Variants in LINGO1 observed in about 807,000 individuals in gnomAD.
The protein encoded by LINGO1 is leucine rich repeat and Ig domain containing 1, also known as leucine-rich repeat and immunoglobulin-like domain-containing nogo receptor-interacting protein 1.
A neutral mutation model predicts 37.3 loss-of-function variants in LINGO1; 11 were observed. The ratio of observed to expected loss-of-function variants is 0.29; its 90% confidence interval spans 0.19 to 0.49. The LOEUF (loss-of-function observed/expected upper bound fraction) is 0.49. Among genes scored for constraint, LINGO1 ranks in the 20% least tolerant of loss-of-function variants. The pLI is 0.99. For missense variants in LINGO1, 585 were observed against 878.2 expected, an observed-to-expected ratio of 0.67 and a Z score of 4.22; for synonymous variants, 387 against 403.0, an observed-to-expected ratio of 0.96 and a Z score of 0.48.
chr15:77,683,337 C>T (rs2141232544), intron 2 of LINGO1, among the ~76,000 whole-genome samples: 1 of 152,300 alleles, frequency 6.6e-6, no homozygotes, highest in South Asian at 2.1e-4. Flanking sequence ...CAAGCAGACC[C>T]TTCACCCCGG....
At chr15:77,717,716 C>CA in intron 2 of LINGO1, among the ~76,000 whole-genome samples, 1 of 150,884 alleles carries the variant, frequency 6.6e-6, no homozygotes, top group African/African-American at 2.4e-5. Flanking sequence ...CCACCAAGCC[C>CA]AGGCCCGGGC....
Position 77,615,039 on chromosome 15 carries a change from G to C in LINGO1, c.868C>G (p.Arg290Gly). The change falls in exon 2 of 2, where the codon CGC (arginine) becomes GGC (glycine). Residue 290 changes from arginine (R) to glycine (G), a missense_variant. Arg to Gly is a moderately radical substitution (Grantham distance 125, BLOSUM62 -2). Around this residue, in one of 4 missense-constraint regions of LINGO1, gnomAD observed 484 missense variants for 735.0 expected, o/e 0.66. Transcript: ENST00000355300. ...YLAVRHLVYL[R>G]FLNLSYNPIS... is the part of the protein sequence containing the mutation. ...GGGTTGTAGGAGAGGTTGAGGAAGC[G>C]GAGATAGACTAGGTGGCGGACGGCC... The C allele has an allele frequency of 1.2e-6, 2 of 1,614,022 alleles. No homozygotes were observed. Among genetic ancestry groups the C allele is most frequent in the African/African-American group, 1.3e-5 (1 of 75,058 alleles).
rs200625737 is a variant in LINGO1 at position 77,615,580 on chromosome 15, G to A, written c.327C>T (p.Ala109=). ...GGTTGTTGAAGGCGCCGGGCTCCAC[G>A]GCGCTCACGATGTTCTCGTTGAGCT... The part of the protein sequence containing the change: ...ELELNENIVS[A]VEPGAFNNLF... The change falls in exon 2 of 2, where the codon GCC becomes GCT. Residue 109 remains alanine, a synonymous_variant. Transcript: ENST00000355300. 9.2e-5 allele frequency: 149 copies of A among 1,611,460 alleles called. No individual in the cohort carries two copies. The highest frequency in any genetic ancestry group is 6.8e-4 in the African/African-American group (51 of 74,974).
chr15:77,624,432 C>T (rs943042750), intron 1 of LINGO1, among the ~76,000 whole-genome samples: 3 of 152,114 alleles, frequency 2.0e-5, no homozygotes, highest in Admixed American at 6.5e-5. Flanking sequence ...GGCACGCACT[C>T]GGCCACCCTG....
intron 1 of LINGO1, among the ~76,000 whole-genome samples, chr15:77,742,855 A>C (rs1194616775): frequency 6.6e-6 from 1 of 152,216 alleles, no homozygotes. Context: ...CTGGAAGGGG[A>C]GGAATTCTCA....
At chr15:77,624,510 C>T (rs1005733193) in intron 1 of LINGO1, among the ~76,000 whole-genome samples, 1 of 152,194 alleles carries the variant, frequency 6.6e-6, no homozygotes, top group Non-Finnish European at 1.5e-5. Flanking sequence ...GCCAGCCTTC[C>T]GGCCAGCTCG....
At chr15:77,818,970 C>T (rs2077071955) in intron 1 of LINGO1, among the ~76,000 whole-genome samples, 1 of 151,828 alleles carries the variant, frequency 6.6e-6, no homozygotes, top group African/African-American at 2.4e-5. Context: ...GTCCCCACCC[C>T]TCCCGGCCCG....
chr15:77,639,612 A>C (rs2074460449), intron 3 of LINGO1, among the ~76,000 whole-genome samples: 1 of 152,188 alleles, frequency 6.6e-6, no homozygotes, highest in Non-Finnish European at 1.5e-5. Context: ...AACACGGTAC[A>C]TTCGCACAAT....
chr15:77,730,616 T>C (rs1356767597), intron 2 of LINGO1, among the ~76,000 whole-genome samples: 11 of 152,346 alleles, frequency 7.2e-5, no homozygotes, highest in Non-Finnish European at 5.9e-5. Flanking sequence ...CAGGCAGGCA[T>C]CAGGCCTGGG....
chr15:77,652,155 G>C (rs969759037), intron 3 of LINGO1: 5 of 152,154 alleles, frequency 3.3e-5, no homozygotes, highest in African/African-American at 1.2e-4. Context: ...CACCCACTTT[G>C]GGTAAATCTT....
At chr15:77,777,250 CGTT>C (rs2076666037) in intron 1 of LINGO1, among the ~76,000 whole-genome samples, 1 of 121,626 alleles carries the variant, frequency 8.2e-6, no homozygotes. Context: ...TGATTACTGT[CGTT>C]GTTATCATGG....
chr15:77,758,220 T>A (rs1366856466), intron 1 of LINGO1, among the ~76,000 whole-genome samples: 2 of 152,080 alleles, frequency 1.3e-5, no homozygotes, highest in East Asian at 1.9e-4. Flanking sequence ...TCCCCTCTGG[T>A]CTCTCTCCCA....
chr15:77,627,598 G>A (rs1240125394), intron 1 of LINGO1, among the ~76,000 whole-genome samples: 1 of 152,188 alleles, frequency 6.6e-6, no homozygotes, highest in African/African-American at 2.4e-5. Flanking sequence ...GCAATGCCAG[G>A]CTTCATGCCA....
intron 1 of LINGO1, among the ~76,000 whole-genome samples, chr15:77,814,822 C>G (rs4886919): frequency 6.6e-6 from 1 of 152,088 alleles, no homozygotes; most frequent in Non-Finnish European, 1.5e-5. Flanking sequence ...GAATCAGCGC[C>G]TAGGGTTTGG....
intron 2 of LINGO1, among the ~76,000 whole-genome samples, chr15:77,703,061 C>T (rs2141277775): frequency 6.6e-6 from 1 of 152,298 alleles, no homozygotes; most frequent in Non-Finnish European, 1.5e-5. Flanking sequence ...ATTGCTTTGC[C>T]TTACTGAGCT....
chr15:77,737,761 T>C (rs1314639163), intron 1 of LINGO1, among the ~76,000 whole-genome samples: 1 of 152,150 alleles, frequency 6.6e-6, no homozygotes, highest in East Asian at 1.9e-4. Context: ...TGACATTTTA[T>C]CTCTGGGTTT....
In LINGO1 at chr15:77,766,312, A is replaced by G. The variant is rs2076528731; in HGVS notation, c.-257+20557T>C. 2.0e-5 allele frequency among the ~76,000 whole-genome samples: 3 copies of G among 151,110 alleles called. No individual in the cohort carries two copies. The South Asian group carries it at 6.2e-4, about 31-fold the overall frequency. On this transcript the variant is annotated intron_variant, in intron 1 of 3. Transcript: ENST00000561686. ...GACCCTGTCTCAAAAAAAAAAAAAA[A>G]AAAAACACACAAACAGAGAGAGAGA...
chr15:77,622,885 A>G (rs7162113), intron 1 of LINGO1, among the ~76,000 whole-genome samples: 127,482 of 152,212 alleles, frequency 0.84, 53,791 homozygotes, highest in African/African-American at 0.95. Flanking sequence ...GAGAAGAAGC[A>G]ACGGCCTCTG....
chr15:77,752,291 GC>G (rs1178794495), intron 1 of LINGO1, among the ~76,000 whole-genome samples: 1 of 152,242 alleles, frequency 6.6e-6, no homozygotes, highest in Non-Finnish European at 1.5e-5. Context: ...AGCGACAGGA[GC>G]CTAACAGTAA....
Sources: gnomAD v4.1 joint callset for allele counts (sites outside exome capture counted in the v4.1 genomes callset) on GRCh38, gnomAD v4.1.1 for gene constraint, gnomAD v4.1.1 regional missense constraint, MANE v1.5 for transcripts, NCBI Gene and HGNC (gene_info 2026-07-23, HGNC 2026-07-21) for gene names.